Variants in DDX60L observed in about 807,000 individuals in gnomAD.
DDX60L encodes probable ATP-dependent RNA helicase DDX60-like.
A neutral mutation model predicts 211.6 loss-of-function variants in DDX60L; 191 were observed. The ratio of observed to expected loss-of-function variants is 0.90; its 90% confidence interval spans 0.80 to 1.02. The LOEUF (loss-of-function observed/expected upper bound fraction) is 1.02. DDX60L is among the 50% of genes least tolerant of loss of function. The probability of loss-of-function intolerance (pLI) is 0.00; values close to 1 mark genes in which losing one functional copy is unlikely to be tolerated. For synonymous variants in DDX60L, 706 were observed against 694.1 expected, an observed-to-expected ratio of 1.02 and a Z score of -0.27; for missense variants, 2,007 against 1,984.1, an observed-to-expected ratio of 1.01 and a Z score of -0.22.
chr4:168,430,049 A>C (rs114476883), intron 13 of DDX60L, among the ~76,000 whole-genome samples: 9,119 of 152,154 alleles, frequency 0.06, 896 homozygotes, highest in African/African-American at 0.2. Flanking sequence ...AATACCAAGA[A>C]TTAGCCGGGC....
intron 25 of DDX60L, among the ~76,000 whole-genome samples, chr4:168,401,577 A>T (rs1746821532): frequency 6.6e-6 from 1 of 152,214 alleles, no homozygotes; most frequent in East Asian, 1.9e-4. Flanking sequence ...AATCTCTTCA[A>T]ATACTTTAGG....
intron 9 of DDX60L, among the ~76,000 whole-genome samples, chr4:168,443,585 C>T (rs886959015): frequency 3.0e-4 from 46 of 152,030 alleles, no homozygotes; most frequent in Middle Eastern, 3.4e-3. Context: ...TCAGATTCAC[C>T]AAAGTTCAAA....
At chr4:168,377,640 T>C (rs980859702) in intron 33 of DDX60L, 1 of 152,174 alleles carries the variant, frequency 6.6e-6, no homozygotes. Context: ...AATGTGGATA[T>C]ATGTCAGTAA....
intron 28 of DDX60L, among the ~76,000 whole-genome samples, chr4:168,393,311 C>T (rs10031458): frequency 0.032 from 4,923 of 152,110 alleles, 271 homozygotes; most frequent in African/African-American, 0.11. Context: ...GCGTGGCCAA[C>T]ATGGTGAAAC....
chr4:168,399,089 C>T (rs1383062287), intron 26 of DDX60L, among the ~76,000 whole-genome samples: 2 of 152,236 alleles, frequency 1.3e-5, no homozygotes, highest in East Asian at 3.9e-4. Flanking sequence ...TCTTCTTCAC[C>T]TTGCTTACCC....
At position 168,362,130 on chromosome 4, in the gene DDX60L, C is replaced by T. The variant is rs1739220077; in HGVS notation, c.4929-919G>A. On this transcript the variant is annotated intron_variant, in intron 36 of 37. Coordinates refer to ENST00000682922, the MANE Select transcript of DDX60L (RefSeq NM_001012967.3). ...ACCACCATGCCTGCACCAACCCATG[C>T]CAAGCCTGGCAGCCAGGGCAGAGGT... 2.6e-5 allele frequency among the ~76,000 whole-genome samples: 4 copies of T among 152,368 alleles called. No homozygotes were observed. In the Middle Eastern group the frequency reaches 0.014, roughly 518 times the overall value.
At chr4:168,452,456 G>A (rs1404091228) in intron 8 of DDX60L, among the ~76,000 whole-genome samples, 1 of 152,184 alleles carries the variant, frequency 6.6e-6, no homozygotes, top group African/African-American at 2.4e-5. Flanking sequence ...TAACCAGCTT[G>A]AGTGAATGGG....
intron 6 of DDX60L, 110 bp downstream of exon 6, chr4:168,457,782 G>A (rs767497652): frequency 1.1e-5 from 6 of 551,996 alleles, no homozygotes; most frequent in African/African-American, 1.9e-5. Flanking sequence ...ATGTACTAAG[G>A]AGGTATATGG....
At chr4:168,456,361 C>A in intron 6 of DDX60L, among the ~76,000 whole-genome samples, 1 of 151,436 alleles carries the variant, frequency 6.6e-6, no homozygotes, top group Non-Finnish European at 1.5e-5. Flanking sequence ...AATATGAAAA[C>A]CTAAATATGT....
At chr4:168,366,940 T>C (rs1419725388) in intron 36 of DDX60L, among the ~76,000 whole-genome samples, 1 of 151,914 alleles carries the variant, frequency 6.6e-6, no homozygotes, top group Non-Finnish European at 1.5e-5. Flanking sequence ...TTATATTATA[T>C]GTTAATATAT....
At position 168,391,661 on chromosome 4, in the gene DDX60L, A is replaced by C; in HGVS notation, c.3811-17T>G. 3.5e-6 allele frequency: 5 copies of C among 1,412,668 alleles called. No individual in the cohort carries two copies. Among genetic ancestry groups the C allele is most frequent in the Non-Finnish European group, 4.8e-6 (5 of 1,034,288 alleles). 87.5% of individuals were successfully genotyped at this position (1,412,668 alleles called of 1,614,324 possible). ...TGTCACTACCTAGGAAAAAAAAAAA[A>C]AAACAGTCAATACACAATATAGCAT... On this transcript the variant is annotated splice_polypyrimidine_tract_variant and intron_variant, in intron 28 of 37. Transcript: ENST00000682922.
chr4:168,405,303 C>T (rs894315533), intron 24 of DDX60L, among the ~76,000 whole-genome samples: 1 of 152,148 alleles, frequency 6.6e-6, no homozygotes, highest in Non-Finnish European at 1.5e-5. Context: ...CCACCACTCC[C>T]GGCCAACCCA....
chr4:168,440,259 A>C (rs1459134110), intron 10 of DDX60L, among the ~76,000 whole-genome samples: 1 of 152,222 alleles, frequency 6.6e-6, no homozygotes, highest in Non-Finnish European at 1.5e-5. Context: ...AAGGCTGGGA[A>C]GCAATTCTAA....
chr4:168,443,271 G>T (rs925016705), intron 9 of DDX60L, among the ~76,000 whole-genome samples: 18 of 152,230 alleles, frequency 1.2e-4, no homozygotes, highest in Admixed American at 1.0e-3. Flanking sequence ...GGAAGAAAGG[G>T]TATCAGCAAT....
At chr4:168,441,119 G>A (rs1481635068) in intron 10 of DDX60L, among the ~76,000 whole-genome samples, 6 of 152,104 alleles carry the variant, frequency 3.9e-5, no homozygotes, top group African/African-American at 1.5e-4. Flanking sequence ...TTATCACACA[G>A]ATGTATATAT....
intron 5 of DDX60L, among the ~76,000 whole-genome samples, chr4:168,458,302 G>A (rs1240494655): frequency 6.6e-6 from 1 of 151,860 alleles, no homozygotes; most frequent in Admixed American, 6.6e-5. Context: ...CCTATTACTG[G>A]GTATATACCC....
At chr4:168,413,001 G>C (rs1365413123) in intron 22 of DDX60L, among the ~76,000 whole-genome samples, 1 of 152,236 alleles carries the variant, frequency 6.6e-6, no homozygotes, top group African/African-American at 2.4e-5. Flanking sequence ...AATGGCTGCA[G>C]TGACCAAAAT....
At position 168,430,496 on chromosome 4, in the gene DDX60L, G is replaced by A. The variant is rs762018875; in HGVS notation, c.1659C>T (p.Ala553=). 1 of 1,599,334 alleles carries A rather than the reference G, an allele frequency of 6.3e-7. No individual in the cohort carries two copies. The highest frequency in any genetic ancestry group is 8.5e-7 in the Non-Finnish European group (1 of 1,175,482). The change falls in exon 13 of 38, where the codon GCC becomes GCT. Residue 553 remains alanine, a synonymous_variant. Coordinates refer to ENST00000682922, the MANE Select transcript of DDX60L (RefSeq NM_001012967.3). ...GATCTACCTGTAATATTTCACCACT[G>A]GCACCACTGGAATCCTCCTTTGGCC... ...TTRPKEDSSG[A]SGEILQNTKP... is the part of the protein sequence containing the mutation.
intron 2 of DDX60L, 65 bp downstream of exon 2, chr4:168,472,631 T>C (rs1758950486): frequency 5.0e-6 from 8 of 1,598,076 alleles, no homozygotes; most frequent in Non-Finnish European, 6.9e-6. Flanking sequence ...TGTAACATTA[T>C]TGAATCTGAA....
Sources: gnomAD v4.1 joint callset for allele counts (sites outside exome capture counted in the v4.1 genomes callset) on GRCh38, gnomAD v4.1.1 for gene constraint, MANE v1.5 for transcripts, NCBI Gene and HGNC (gene_info 2026-07-23, HGNC 2026-07-21) for gene names.